The following DMD variants were observed in gnomAD, a reference collection of about 807,000 sequenced individuals.
DMD encodes the protein mutant dystrophin.
Under a neutral mutation model 330.1 loss-of-function variants are expected in DMD, and 63 were observed. The ratio of observed to expected loss-of-function variants is 0.19; its 90% confidence interval spans 0.16 to 0.24. DMD has a LOEUF of 0.24. Among genes scored for constraint, DMD ranks in the 10% least tolerant of loss-of-function variants. DMD has a pLI of 1.00. For missense variants in DMD, 3,344 were observed against 2,684.1 expected (o/e 1.25, Z -5.43); for synonymous variants, 1,223 against 959.8 (o/e 1.27, Z -5.07).
Position 32,454,789 on chromosome X carries a change from G to A in DMD, c.3476C>T (p.Thr1159Ile), listed in dbSNP as rs757041202. 8 of 1,204,742 alleles carry A rather than the reference G, an allele frequency of 6.6e-6. No individual in the cohort carries two copies. Among genetic ancestry groups the A allele is most frequent in the Non-Finnish European group, 9.0e-6 (8 of 892,575 alleles). Reference sequence around the variant, plus strand: ...TGATAGATCTTTCTGGAGGCTTACAGTTTTCTCCAAACCTCCCTTCAAGGC... The same window carrying A: ...TGATAGATCTTTCTGGAGGCTTACAATTTTCTCCAAACCTCCCTTCAAGGC... ...KEALKGGLEKTVSLQKDLSEM... is the reference protein window; with the variant it reads ...KEALKGGLEKIVSLQKDLSEM... The change falls in exon 26 of 79, where the codon ACT becomes ATT. Residue 1159 changes from threonine (T) to isoleucine (I), a missense_variant. Transcript: ENST00000357033.
At chrX:32,240,878 T>C (rs1046997077) in intron 43 of DMD, among the ~76,000 whole-genome samples, 22 of 111,422 alleles carry the variant, frequency 2.0e-4, no homozygotes, top group Non-Finnish European at 7.5e-5. Flanking sequence ...TGAAATGTAA[T>C]TGCCCCTTTT....
At chrX:31,158,897 C>T (rs182424053) in intron 74 of DMD, among the ~76,000 whole-genome samples, 16 of 111,414 alleles carry the variant, frequency 1.4e-4, no homozygotes, top group African/African-American at 5.2e-4. Context: ...AAAAATAAGC[C>T]CAGAAAATGC....
At chrX:33,254,696 TATAAAATA>T (rs1303744872) in intron 1 of DMD, among the ~76,000 whole-genome samples, 1 of 110,897 alleles carries the variant, frequency 9.0e-6, no homozygotes, top group African/African-American at 3.2e-5. Context: ...TTGGTAAATA[TATAAAATA>T]ATAAGAGTTA....
At chrX:32,270,717 T>C (rs767569249) in intron 43 of DMD, among the ~76,000 whole-genome samples, 6 of 111,868 alleles carry the variant, frequency 5.4e-5, no homozygotes, top group Admixed American at 3.8e-4. Context: ...CATGGAGGAA[T>C]GTGCCCCAAA....
intron 2 of DMD, among the ~76,000 whole-genome samples, chrX:32,864,785 T>A (rs1412987359): frequency 8.9e-6 from 1 of 111,851 alleles, no homozygotes; most frequent in African/African-American, 3.3e-5. Flanking sequence ...AAATGTGGCT[T>A]TTTATATTAA....
At chrX:32,399,655 T>A (rs1264912208) in intron 30 of DMD, among the ~76,000 whole-genome samples, 1 of 111,133 alleles carries the variant, frequency 9.0e-6, no homozygotes, top group African/African-American at 3.3e-5. Flanking sequence ...GTACAACCAC[T>A]ATGGAAAACA....
rs772926341 is a variant in DMD, at chrX:32,001,277, T to A, written c.6439-32763A>T. Among the ~76,000 whole-genome samples the A allele has an allele frequency of 5.4e-5, 6 of 111,316 alleles. No homozygotes were observed. The South Asian group carries it at 2.3e-3, about 43-fold the overall frequency. ...TTTGTGCATGTAAATTATACCTCAATAAAACAAAAAGGAATTGGAAAGAGA... is the reference window on the plus strand; with the variant it reads ...TTTGTGCATGTAAATTATACCTCAAAAAAACAAAAAGGAATTGGAAAGAGA... On this transcript the variant is annotated intron_variant, in intron 44 of 78. Coordinates refer to ENST00000357033, the MANE Select transcript of DMD (RefSeq NM_004006.3).
rs777704256 is a variant in DMD at position 32,145,996 on chromosome X, T to A, written c.6438+70920A>T. ...AATGAGAAAAATAAAAATAGTAACC[T>A]CATAGATTGTGGTAAGAGTCAAATG... On this transcript the variant is annotated intron_variant, in intron 44 of 78. Coordinates refer to ENST00000357033, the MANE Select transcript of DMD (RefSeq NM_004006.3). Among the ~76,000 whole-genome samples, 3 of 111,924 alleles carry A rather than the reference T, an allele frequency of 2.7e-5. No individual in the cohort carries two copies. The South Asian group carries it at 1.1e-3, about 41-fold the overall frequency.
chrX:31,568,884 C>T (rs1191563403), intron 55 of DMD, among the ~76,000 whole-genome samples: 1 of 110,736 alleles, frequency 9.0e-6, no homozygotes, highest in Non-Finnish European at 1.9e-5. Flanking sequence ...TCTTAAGATT[C>T]CATCAAAATT....
At chrX:31,186,608 T>C in intron 67 of DMD, among the ~76,000 whole-genome samples, 1 of 111,629 alleles carries the variant, frequency 9.0e-6, no homozygotes. Context: ...ATGACACAAG[T>C]TTACCTCATA....
Position 32,345,896 on chromosome X carries a change from TA to T in DMD, c.5586+46del, listed in dbSNP as rs757965998. 1.4e-4 allele frequency: 168 copies of T among 1,159,323 alleles called. 1 individual carries two copies. In the Admixed American group the frequency reaches 1.7e-3, roughly 11 times the overall value. ...GCACATTATATTTTACCCTATATAT[TA>T]AAAAAAAACCACAGGCAAGGTATAT... On this transcript the variant is annotated intron_variant, in intron 39 of 78. Coordinates refer to ENST00000357033, the MANE Select transcript of DMD (RefSeq NM_004006.3).
chrX:32,192,031 G>T (rs1471317336), intron 44 of DMD, among the ~76,000 whole-genome samples: 1 of 111,715 alleles, frequency 9.0e-6, no homozygotes, highest in Non-Finnish European at 1.9e-5. Flanking sequence ...ATATAATAAG[G>T]GGGCCTATAT....
intron 1 of DMD, among the ~76,000 whole-genome samples, chrX:33,333,252 G>A (rs2054205299): frequency 9.0e-6 from 1 of 111,499 alleles, no homozygotes; most frequent in African/African-American, 3.2e-5. Flanking sequence ...TTACTTGTAT[G>A]TTGGTTCTTA....
At chrX:31,242,960 C>A (rs1270091014) in intron 63 of DMD, among the ~76,000 whole-genome samples, 1 of 111,733 alleles carries the variant, frequency 8.9e-6, no homozygotes, top group African/African-American at 3.3e-5. Flanking sequence ...CCATCTCCTT[C>A]ACTCTCATAG....
At chrX:31,762,829 T>G (rs1213022326) in intron 51 of DMD, among the ~76,000 whole-genome samples, 2 of 112,427 alleles carry the variant, frequency 1.8e-5, no homozygotes, top group African/African-American at 6.5e-5. Flanking sequence ...CTAAAATTCT[T>G]AGAGTGTCTA....
chrX:31,933,566 T>G (rs2094886303), intron 45 of DMD, among the ~76,000 whole-genome samples: 1 of 111,734 alleles, frequency 8.9e-6, no homozygotes, highest in Non-Finnish European at 1.9e-5. Context: ...AGCTTTTAAC[T>G]GAAGTGTAAT....
At chrX:31,327,087 A>C (rs1569526941) in intron 61 of DMD, among the ~76,000 whole-genome samples, 1 of 112,479 alleles carries the variant, frequency 8.9e-6, no homozygotes, top group Non-Finnish European at 1.9e-5. Context: ...AGATGTGCTT[A>C]TAACCACTAC....
chrX:31,837,721 T>C (rs2093233028), intron 48 of DMD, among the ~76,000 whole-genome samples: 2 of 111,621 alleles, frequency 1.8e-5, no homozygotes, highest in African/African-American at 3.3e-5. Context: ...TGTGTTTAAG[T>C]GTCTCCGTGC....
chrX:32,330,743 A>C (rs192759817), intron 41 of DMD, among the ~76,000 whole-genome samples: 3 of 111,134 alleles, frequency 2.7e-5, no homozygotes, highest in Non-Finnish European at 5.7e-5. Context: ...GTTGTCTGGC[A>C]CTTAGGAGGC....
Sources: allele counts gnomAD v4.1 joint callset (sites outside exome capture counted in the v4.1 genomes callset), GRCh38; gene constraint gnomAD v4.1.1; transcripts MANE v1.5; gene names NCBI Gene and HGNC (gene_info 2026-07-23, HGNC 2026-07-21).